The following TEX13B variants were observed in gnomAD, a reference collection of about 807,000 sequenced individuals.
TEX13B encodes testis-expressed protein 13B.
Under a neutral mutation model 11.2 loss-of-function variants are expected in TEX13B, and 5 were observed. The ratio of observed to expected loss-of-function variants is 0.44; its 90% confidence interval spans 0.23 to 0.93. The LOEUF is 0.93. Ranked by LOEUF, TEX13B falls within the 40% of genes least tolerant of loss-of-function variation. The pLI is 0.23. For missense variants in TEX13B, 213 were observed against 244.2 expected (o/e 0.87, Z 0.85); for synonymous variants, 115 against 100.9 (o/e 1.14, Z -0.84).
rs762132978 is a variant in TEX13B at position 107,981,060 on chromosome X, C to T, written c.*20G>A. On this transcript the variant is annotated 3_prime_UTR_variant, in exon 3 of 3. Coordinates refer to ENST00000302917, the MANE Select transcript of TEX13B (RefSeq NM_031273.2). ...TGAGGGTCTATTCCCTGGGCCTCCA[C>T]ATCTGACCACAGGCTAGCATCAGAG... 1 of 1,207,050 alleles carries T rather than the reference C, an allele frequency of 8.3e-7. No homozygotes were observed.
chrX:107,981,557 C>A lies in TEX13B; in HGVS notation c.462G>T (p.Glu154Asp). The change falls in exon 3 of 3, where the codon GAG becomes GAT. Residue 154 changes from glutamate to aspartate, a missense_variant and splice_region_variant. Physicochemically the swap from Glu to Asp is conservative, Grantham distance 45 (BLOSUM62 2). Transcript: ENST00000302917. ...DMLRWKLFHA[E>D]LAPPQGQGQA... ...GGCCCTGTCCCTGGGGAGGTGCCAG[C>A]TCCTGGAGAGAAGTAGGCAGAGCTG... The A allele has an allele frequency of 8.3e-7, 1 of 1,210,601 alleles. No individual in the cohort carries two copies. Among genetic ancestry groups the A allele is most frequent in the Non-Finnish European group, 1.1e-6 (1 of 894,791 alleles).
chrX:107,981,751 G>T lies in TEX13B; in HGVS notation c.377C>A (p.Thr126Asn). The change falls in exon 2 of 3, where the codon ACC becomes AAC. Residue 126 changes from threonine (T) to asparagine (N), a missense_variant. Thr to Asn is a moderately conservative substitution (Grantham distance 65). Transcript: ENST00000302917. ...EQQEMECNEA[T>N]FQLQLTETSL... The stretch of plus-strand genomic sequence containing the variant: ...GGTCTCGGTTAGCTGCAACTGGAAG[G>T]TCGCCTCATTGCATTCCATCTCCTG... 8.3e-7 allele frequency: 1 copy of T among 1,211,744 alleles called. No individual in the cohort carries two copies. Among genetic ancestry groups the T allele is most frequent in the Non-Finnish European group, 1.1e-6 (1 of 895,379 alleles).
Position 107,981,346 on chromosome X carries a change from G to A in TEX13B, c.673C>T (p.Leu225Phe), listed in dbSNP as rs754366417. Residue 225 changes from leucine (L) to phenylalanine (F), a missense_variant, in exon 3 of 3, where the codon CTC (leucine) becomes TTC (phenylalanine). Leu to Phe is a conservative substitution (Grantham distance 22, BLOSUM62 0). Transcript: ENST00000302917. ...QGLGGGFRQP[L>F]GAIVAGKLHL... ...AATTTGCCTGCTACAATAGCTCCGA[G>A]GGGCTGCCTGAAGCCTCCTCCCAGC... is the stretch of plus-strand genomic sequence containing the variant. 2 of 1,211,793 alleles carry A rather than the reference G, an allele frequency of 1.7e-6. No individual in the cohort carries two copies. Among genetic ancestry groups the A allele is most frequent in the Admixed American group, 4.3e-5 (2 of 46,080 alleles).
In TEX13B at chrX:107,982,368, A is replaced by G; in HGVS notation, c.-91T>C. The G allele has an allele frequency of 5.8e-6, 2 of 341,992 alleles. No homozygotes were observed. The highest frequency in any genetic ancestry group is 2.1e-4 in the South Asian group (2 of 9,421). The allele number at this position is 341,992 out of a possible 1,213,427, so 28.2% of individuals were successfully genotyped here. On this transcript the variant is annotated 5_prime_UTR_variant, in exon 1 of 3. Transcript: ENST00000302917. ...ACCCCGCTGCTTAACACGCCTGAAG[A>G]GAGGGTGGCCTCTTTCCCTCCTAGG... is the stretch of plus-strand genomic sequence containing the variant.
Position 107,981,464 on chromosome X carries a change from T to C in TEX13B, c.555A>G (p.Glu185=). The part of the protein sequence containing the change: ...GDWTEGAGEQ[E]KEAVAAAGAA... ...CACCAGCAGCAGCCACCGCCTCCTT[T>C]TCCTGCTCACCTGCTCCTTCTGTCC... Residue 185 remains glutamate (E), a synonymous_variant, in exon 3 of 3, where the codon GAA becomes GAG. Coordinates refer to ENST00000302917, the MANE Select transcript of TEX13B (RefSeq NM_031273.2). The C allele has an allele frequency of 8.3e-7, 1 of 1,211,667 alleles. No individual in the cohort carries two copies. Among genetic ancestry groups the C allele is most frequent in the East Asian group, 3.0e-5 (1 of 33,818 alleles).
chrX:107,982,003 G>C lies in TEX13B; in HGVS notation c.125C>G (p.Ser42Cys). Residue 42 changes from serine to cysteine, a missense_variant, in exon 2 of 3, where the codon TCC becomes TGC. Coordinates refer to ENST00000302917, the MANE Select transcript of TEX13B (RefSeq NM_031273.2). ...GAGCTTGTCTTCCACCTCCTCCCAGGATAAGGATATATTCTCGAAGTAGAA... is the reference window on the plus strand; with the variant it reads ...GAGCTTGTCTTCCACCTCCTCCCAGCATAAGGATATATTCTCGAAGTAGAA... ...PEFYFENISL[S>C]WEEVEDKLRA... 1 of 1,211,684 alleles carries C rather than the reference G, an allele frequency of 8.3e-7. No homozygotes were observed. Among genetic ancestry groups the C allele is most frequent in the Non-Finnish European group, 1.1e-6 (1 of 895,439 alleles).
chrX:107,980,932 C>T lies in TEX13B; in HGVS notation c.*148G>A. 1 of 883,037 alleles carries T rather than the reference C, an allele frequency of 1.1e-6. No homozygotes were observed. Among genetic ancestry groups the T allele is most frequent in the Non-Finnish European group, 1.6e-6 (1 of 613,572 alleles). The allele number at this position is 883,037 out of a possible 1,213,427, so 72.8% of individuals were successfully genotyped here. A position where few individuals can be genotyped will look rare whatever the true frequency, so the allele number is the denominator to read the frequency against. On this transcript the variant is annotated 3_prime_UTR_variant, in exon 3 of 3. Coordinates refer to ENST00000302917, the MANE Select transcript of TEX13B (RefSeq NM_031273.2). Reference sequence around the variant, plus strand: ...AGCAATTTTCCCTCCATGAAAAATTCACAGCTTTACACCACGGGCAGTCCC... The same window carrying T: ...AGCAATTTTCCCTCCATGAAAAATTTACAGCTTTACACCACGGGCAGTCCC...
intron 2 of TEX13B, 55 bp from the exon 3 acceptor site, chrX:107,981,614 G>C (rs1427786687): frequency 8.4e-7 from 1 of 1,193,351 alleles, no homozygotes; most frequent in Non-Finnish European, 1.1e-6. Context: ...CAGGGGGTCC[G>C]GACAGGTTGG....
rs775264998 is a variant in TEX13B at position 107,981,491 on chromosome X, A to G, written c.528T>C (p.Asp176=). The G allele has an allele frequency of 6.6e-6, 8 of 1,209,534 alleles. No individual in the cohort carries two copies. The highest frequency in any genetic ancestry group is 4.4e-5 in the Admixed American group (2 of 45,807). ...VFPGLATAGG[D]WTEGAGEQEK... ...CCTGCTCACCTGCTCCTTCTGTCCA[A>G]TCCCCTCCGGCAGTGGCCAGGCCTG... The change falls in exon 3 of 3, where the codon GAT becomes GAC. Residue 176 remains aspartate, a synonymous_variant. Transcript: ENST00000302917.
chrX:107,980,997 G>C lies in TEX13B; in HGVS notation c.*83C>G. 1 of 1,170,229 alleles carries C rather than the reference G, an allele frequency of 8.5e-7. No homozygotes were observed. The highest frequency in any genetic ancestry group is 1.2e-6 in the Non-Finnish European group (1 of 860,514). ...CGATATACTGGAGGTCTTCTCTGCT[G>C]ATGGAGTTCGGAGTCTCTCCTGTCT... On this transcript the variant is annotated 3_prime_UTR_variant, in exon 3 of 3. Coordinates refer to ENST00000302917, the MANE Select transcript of TEX13B (RefSeq NM_031273.2).
intron 2 of TEX13B, 46 bp from the exon 3 acceptor site, chrX:107,981,605 A>G: frequency 8.3e-7 from 1 of 1,199,154 alleles, no homozygotes; most frequent in Non-Finnish European, 1.1e-6. Context: ...GGGACAGGGC[A>G]GGGGGTCCGG....
Position 107,981,668 on chromosome X carries a change from C to G in TEX13B, c.459+1G>C, listed in dbSNP as rs149281284. The G allele has an allele frequency of 8.4e-6, 10 of 1,191,516 alleles. No homozygotes were observed. Among genetic ancestry groups the G allele is most frequent in the Non-Finnish European group, 1.0e-5 (9 of 883,864 alleles). ...GACAGGGACCATTCGGGGGATCTTA[C>G]GGCATGGAAGAGCTTCCATCTCAGC... On this transcript the variant is annotated splice_donor_variant, in intron 2 of 2. Transcript: ENST00000302917. LOFTEE classifies it high-confidence loss of function.
chrX:107,981,614 G>A (rs1427786687), intron 2 of TEX13B, 55 bp from the exon 3 acceptor site: 10 of 1,193,351 alleles, frequency 8.4e-6, no homozygotes, highest in Admixed American at 2.2e-5. Context: ...CAGGGGGTCC[G>A]GACAGGTTGG....
intron 1 of TEX13B, 68 bp from the exon 2 acceptor site, chrX:107,982,227 C>T (rs748387662): frequency 7.6e-5 from 64 of 840,322 alleles, no homozygotes; most frequent in Non-Finnish European, 9.7e-5. Context: ...CTGTCTTCTC[C>T]GCCCTCCCAC....
At position 107,981,508 on chromosome X, in the gene TEX13B, C is replaced by A. The variant is rs199689215; in HGVS notation, c.511G>T (p.Ala171Ser). The change falls in exon 3 of 3, where the codon GCC (alanine) becomes TCC (serine). Residue 171 changes from alanine (A) to serine (S), a missense_variant. By Grantham distance (99) the Ala-to-Ser change is moderately conservative. Transcript: ENST00000302917. ...QGQATVFPGL[A>S]TAGGDWTEGA... The stretch of plus-strand genomic sequence containing the variant: ...TCTGTCCAATCCCCTCCGGCAGTGG[C>A]CAGGCCTGGAAACACTGTAGCCTGG... 6.6e-6 allele frequency: 8 copies of A among 1,210,023 alleles called. No individual in the cohort carries two copies. Among genetic ancestry groups the A allele is most frequent in the Non-Finnish European group, 8.9e-6 (8 of 895,231 alleles).
At position 107,981,277 on chromosome X, in the gene TEX13B, T is replaced by C; in HGVS notation, c.742A>G (p.Asn248Asp). The C allele has an allele frequency of 1.7e-6, 2 of 1,211,486 alleles. No individual in the cohort carries two copies. The highest frequency in any genetic ancestry group is 2.2e-6 in the Non-Finnish European group (2 of 895,344). ...AEGERSQVST[N>D]SHVCLLWAWV... ...GCCCAGAGAAGACAGACATGGCTGT[T>C]TGTACTGACCTGAGATCTTTCTCCC... Residue 248 changes from asparagine to aspartate, a missense_variant, in exon 3 of 3, where the codon AAC (asparagine) becomes GAC (aspartate). Coordinates refer to ENST00000302917, the MANE Select transcript of TEX13B (RefSeq NM_031273.2).
chrX:107,981,371 C>T lies in TEX13B; in HGVS notation c.648G>A (p.Gly216=), dbSNP rs775003182. Reference sequence around the variant, plus strand: ...GGGGCTGCCTGAAGCCTCCTCCCAGCCCCTGCAAGACCTCTGCGGGGGCAG... The same window carrying T: ...GGGGCTGCCTGAAGCCTCCTCCCAGTCCCTGCAAGACCTCTGCGGGGGCAG... The part of the protein sequence containing the change: ...AGPAPAEVLQ[G]LGGGFRQPLG... The change falls in exon 3 of 3, where the codon GGG becomes GGA. Residue 216 remains glycine (G), a synonymous_variant. Coordinates refer to ENST00000302917, the MANE Select transcript of TEX13B (RefSeq NM_031273.2). 6.6e-6 allele frequency: 8 copies of T among 1,211,919 alleles called. No homozygotes were observed. The highest frequency in any genetic ancestry group is 8.9e-6 in the Non-Finnish European group (8 of 895,507).
rs777993448 is a variant in TEX13B at position 107,981,370 on chromosome X, G to A, written c.649C>T (p.Leu217=). 4.1e-6 allele frequency: 5 copies of A among 1,211,793 alleles called. No individual in the cohort carries two copies. The South Asian group carries it at 8.8e-5, about 21-fold the overall frequency. ...AGGGGCTGCCTGAAGCCTCCTCCCA[G>A]CCCCTGCAAGACCTCTGCGGGGGCA... ...GPAPAEVLQG[L]GGGFRQPLGA... is the part of the protein sequence containing the mutation. The change falls in exon 3 of 3, where the codon CTG becomes TTG. Residue 217 remains leucine, a synonymous_variant. Coordinates refer to ENST00000302917, the MANE Select transcript of TEX13B (RefSeq NM_031273.2).
At position 107,982,220 on chromosome X, in the gene TEX13B, T is replaced by A. The variant is rs779267340; in HGVS notation, c.-32-61A>T. ...CCTCCTTAGCCCCTCCCCTCATCTGTCTTCTCCGCCCTCCCACCTCTGACA... is the reference window on the plus strand; with the variant it reads ...CCTCCTTAGCCCCTCCCCTCATCTGACTTCTCCGCCCTCCCACCTCTGACA... On this transcript the variant is annotated intron_variant, in intron 1 of 2. Coordinates refer to ENST00000302917, the MANE Select transcript of TEX13B (RefSeq NM_031273.2). The A allele has an allele frequency of 9.7e-5, 87 of 896,470 alleles. 1 individual carries two copies. Among genetic ancestry groups the A allele is most frequent in the Non-Finnish European group, 1.3e-4 (86 of 666,929 alleles). 73.9% of individuals were successfully genotyped at this position (896,470 alleles called of 1,213,427 possible).
Sources: gnomAD v4.1 joint callset for allele counts on GRCh38, gnomAD v4.1.1 for gene constraint, MANE v1.5 for transcripts, NCBI Gene and HGNC (gene_info 2026-07-23, HGNC 2026-07-21) for gene names.